The following NNT variants were observed in gnomAD, a reference collection of about 807,000 sequenced individuals.
NNT encodes the protein NAD(P) transhydrogenase, mitochondrial.
NNT carries 50 observed loss-of-function variants against 104.8 expected under a neutral mutation model. That is an observed-to-expected ratio of 0.48 (90% confidence interval 0.38 to 0.60). NNT has a LOEUF of 0.60. Ranked by LOEUF, NNT falls within the 20% of genes least tolerant of loss-of-function variation. The probability of loss-of-function intolerance (pLI) is 0.00; values close to 1 mark genes in which losing one functional copy is unlikely to be tolerated. For synonymous variants in NNT, 461 were observed against 490.4 expected (o/e 0.94, Z 0.79); for missense variants, 1,131 against 1,330.7 (o/e 0.85, Z 2.33).
At chr5:43,607,016 C>A (rs966740555) in intron 1 of NNT, among the ~76,000 whole-genome samples, 1 of 150,732 alleles carries the variant, frequency 6.6e-6, no homozygotes, top group Non-Finnish European at 1.5e-5. Flanking sequence ...GAGACAGAGT[C>A]TTGCTCTCTC....
Position 43,705,765 on chromosome 5 carries a change from C to CTGTGTG in NNT, c.*1366_*1367insGTGTGT, listed in dbSNP as rs1264618564. 1 of 143,104 alleles carries CTGTGTG rather than the reference C, an allele frequency of 7.0e-6. No homozygotes were observed. Among genetic ancestry groups the CTGTGTG allele is most frequent in the Non-Finnish European group, 1.5e-5 (1 of 66,028 alleles). 8.9% of individuals were successfully genotyped at this position (143,104 alleles called of 1,614,324 possible). Reference sequence around the variant, plus strand: ...ATTTTGCTGTGCCTGAGATTAAGATCTGTGTATGTGTGTGTGTGTGTGTGT... The same window carrying CTGTGTG: ...ATTTTGCTGTGCCTGAGATTAAGATCTGTGTGTGTGTATGTGTGTGTGTGTGTGTGT... On this transcript the variant is annotated 3_prime_UTR_variant, in exon 22 of 22. Transcript: ENST00000344920.
At chr5:43,646,827 A>G (rs1485632372) in intron 10 of NNT, among the ~76,000 whole-genome samples, 2 of 152,028 alleles carry the variant, frequency 1.3e-5, no homozygotes, top group Admixed American at 6.6e-5. Flanking sequence ...CAAATTCAAC[A>G]TTTTCATTTA....
At chr5:43,623,423 G>T (rs1750199962) in intron 5 of NNT, among the ~76,000 whole-genome samples, 1 of 152,158 alleles carries the variant, frequency 6.6e-6, no homozygotes, top group Non-Finnish European at 1.5e-5. Context: ...TGGTTCTCTT[G>T]TTGCTGATCC....
At chr5:43,621,671 T>C (rs1196842087) in intron 5 of NNT, among the ~76,000 whole-genome samples, 1 of 151,778 alleles carries the variant, frequency 6.6e-6, no homozygotes, top group East Asian at 1.9e-4. Flanking sequence ...TCCCAAAATT[T>C]TGGGATTACA....
chr5:43,618,634 T>C (rs1749911893), intron 4 of NNT, among the ~76,000 whole-genome samples: 1 of 152,252 alleles, frequency 6.6e-6, no homozygotes, highest in Non-Finnish European at 1.5e-5. Flanking sequence ...CCTATCTTTC[T>C]TTCATTACAT....
chr5:43,669,222 G>T (rs1740900228), intron 17 of NNT, among the ~76,000 whole-genome samples: 1 of 152,102 alleles, frequency 6.6e-6, no homozygotes, highest in Non-Finnish European at 1.5e-5. Context: ...CATGTCATCT[G>T]CAAACAGGGA....
In NNT at chr5:43,704,550, A is replaced by G; in HGVS notation, c.*146A>G. On this transcript the variant is annotated 3_prime_UTR_variant, in exon 22 of 22. Transcript: ENST00000344920. ...CTGAAGAAAGCAAAGCAAAAACTGTATAGAGAGATTTTTCAAAAGCAGTAA... is the reference window on the plus strand; with the variant it reads ...CTGAAGAAAGCAAAGCAAAAACTGTGTAGAGAGATTTTTCAAAAGCAGTAA... 2.9e-6 allele frequency: 2 copies of G among 700,874 alleles called. No homozygotes were observed. The highest frequency in any genetic ancestry group is 4.4e-6 in the Non-Finnish European group (2 of 458,864). 43.4% of individuals were successfully genotyped at this position (700,874 alleles called of 1,614,324 possible).
At chr5:43,688,028 T>A (rs534539693) in intron 19 of NNT, among the ~76,000 whole-genome samples, 86 of 152,334 alleles carry the variant, frequency 5.6e-4, no homozygotes, top group African/African-American at 2.0e-3. Flanking sequence ...TTGGGTTATT[T>A]AGCTAAAATA....
Position 43,651,827 on chromosome 5 carries a change from C to A in NNT, c.1806C>A (p.Ala602=). 1 of 1,614,092 alleles carries A rather than the reference C, an allele frequency of 6.2e-7. No homozygotes were observed. The highest frequency in any genetic ancestry group is 8.5e-7 in the Non-Finnish European group (1 of 1,180,012). ...ACAACTACCTGTACCTGCTCCCTGC[C>A]GGCACCTTTGTTGGTGGATATTTAG... The part of the protein sequence containing the change: ...PEYNYLYLLP[A]GTFVGGYLAA... The change falls in exon 13 of 22, where the codon GCC becomes GCA. Residue 602 remains alanine, a synonymous_variant. Transcript: ENST00000344920.
At chr5:43,604,132 A>C (rs1749080144) in intron 1 of NNT, among the ~76,000 whole-genome samples, 1 of 152,182 alleles carries the variant, frequency 6.6e-6, no homozygotes, top group Non-Finnish European at 1.5e-5. Flanking sequence ...AAGCTGGCTC[A>C]GTAGGGTATT....
At position 43,659,244 on chromosome 5, in the gene NNT, G is replaced by T; in HGVS notation, c.2528G>T (p.Gly843Val). 2 of 1,614,040 alleles carry T rather than the reference G, an allele frequency of 1.2e-6. No individual in the cohort carries two copies. Among genetic ancestry groups the T allele is most frequent in the Non-Finnish European group, 1.7e-6 (2 of 1,180,010 alleles). Residue 843 changes from glycine (G) to valine (V), a missense_variant, in exon 17 of 22, where the codon GGC becomes GTC. Gly to Val is a moderately radical substitution (Grantham distance 109). Coordinates refer to ENST00000344920, the MANE Select transcript of NNT (RefSeq NM_182977.3). ...VVITVLNSYS[G>V]WALCAEGFLL... ...ATCACTGTGCTGAACAGCTACTCAG[G>T]CTGGGCCCTGTGTGCAGAGGGCTTC...
intron 19 of NNT, among the ~76,000 whole-genome samples, chr5:43,689,273 T>C (rs1742141467): frequency 1.3e-5 from 2 of 152,268 alleles, no homozygotes; most frequent in African/African-American, 4.8e-5. Context: ...TCTTTGTAGA[T>C]TCTGGACATT....
chr5:43,610,252 C>T (rs907864997), intron 2 of NNT, among the ~76,000 whole-genome samples: 11 of 139,938 alleles, frequency 7.9e-5, no homozygotes, highest in African/African-American at 1.1e-4. Flanking sequence ...TTGCAAAGAG[C>T]GAAAGAACAA....
intron 16 of NNT, among the ~76,000 whole-genome samples, chr5:43,658,099 C>T (rs572533008): frequency 6.6e-6 from 1 of 152,086 alleles, no homozygotes; most frequent in South Asian, 2.1e-4. Context: ...CATGCTATTG[C>T]ACTCCAGCCT....
At chr5:43,638,798 T>C (rs892283359) in intron 7 of NNT, among the ~76,000 whole-genome samples, 3 of 152,048 alleles carry the variant, frequency 2.0e-5, no homozygotes, top group African/African-American at 7.2e-5. Context: ...TTATAAAATT[T>C]TGTGGTAAAC....
intron 17 of NNT, among the ~76,000 whole-genome samples, chr5:43,668,571 T>C (rs1250877246): frequency 6.6e-6 from 1 of 152,210 alleles, no homozygotes; most frequent in Non-Finnish European, 1.5e-5. Context: ...GTCAGATTTG[T>C]CAAAGATCAG....
chr5:43,702,417 A>G (rs1255815378), intron 20 of NNT, among the ~76,000 whole-genome samples: 1 of 152,204 alleles, frequency 6.6e-6, no homozygotes, highest in Non-Finnish European at 1.5e-5. Context: ...GTTCAAATGC[A>G]AGACCTACTG....
intron 19 of NNT, among the ~76,000 whole-genome samples, chr5:43,684,975 A>G (rs55912106): frequency 0.03 from 4,525 of 152,302 alleles, 190 homozygotes; most frequent in African/African-American, 0.094. Context: ...AAGGTCCTTG[A>G]GCTATAGCCC....
chr5:43,665,935 C>T (rs991245238), intron 17 of NNT, among the ~76,000 whole-genome samples: 18 of 151,630 alleles, frequency 1.2e-4, no homozygotes, highest in East Asian at 3.9e-4. Context: ...GGGGCAAAGA[C>T]GCTCCTCAGT....
Sources: allele counts gnomAD v4.1 joint callset (sites outside exome capture counted in the v4.1 genomes callset), GRCh38; gene constraint gnomAD v4.1.1; transcripts MANE v1.5; gene names NCBI Gene and HGNC (gene_info 2026-07-23, HGNC 2026-07-21).